SH3PXD2A: variants seen among roughly 807,000 people sequenced by gnomAD.
SH3PXD2A encodes the protein SH3 and PX domains 2A, also known as SH3 and PX domain-containing protein 2A.
A neutral mutation model predicts 115.2 loss-of-function variants in SH3PXD2A; 32 were observed. That is an observed-to-expected ratio of 0.28 (90% confidence interval 0.21 to 0.37). The LOEUF is 0.37. SH3PXD2A is among the 10% of genes least tolerant of loss of function. SH3PXD2A has a pLI of 1.00. For missense variants in SH3PXD2A, 1,328 were observed against 1,498.7 expected (o/e 0.89, Z 1.88); for synonymous variants, 610 against 629.1 (o/e 0.97, Z 0.45).
intron 13 of SH3PXD2A, among the ~76,000 whole-genome samples, chr10:103,607,496 G>T (rs2036338230): frequency 1.3e-5 from 2 of 150,822 alleles, no homozygotes; most frequent in Non-Finnish European, 3.0e-5. Context: ...GAGCCCCTCT[G>T]CCCGGCCAGC....
At chr10:103,836,413 C>A (rs576652002) in intron 1 of SH3PXD2A, among the ~76,000 whole-genome samples, 1 of 151,720 alleles carries the variant, frequency 6.6e-6, no homozygotes, top group South Asian at 2.1e-4. Context: ...ACATTCCACA[C>A]TCAAACCCAC....
At chr10:103,749,566 C>T (rs2038549881) in intron 3 of SH3PXD2A, among the ~76,000 whole-genome samples, 1 of 152,180 alleles carries the variant, frequency 6.6e-6, no homozygotes, top group Middle Eastern at 3.2e-3. Flanking sequence ...ACAACAAGAG[C>T]TGCCATCCAC....
chr10:103,623,826 C>T (rs2036648092), intron 9 of SH3PXD2A, among the ~76,000 whole-genome samples: 1 of 152,180 alleles, frequency 6.6e-6, no homozygotes. Context: ...TGCAAGGCCT[C>T]CTGGTGGGGC....
chr10:103,616,060 T>TGCGTGC (rs2036514267), intron 11 of SH3PXD2A, among the ~76,000 whole-genome samples: 1 of 140,302 alleles, frequency 7.1e-6, no homozygotes, highest in Non-Finnish European at 1.5e-5. Context: ...GCGGGGGGTG[T>TGCGTGC]GGTGCGTGCC....
chr10:103,842,801 C>T (rs2039613589), intron 1 of SH3PXD2A, among the ~76,000 whole-genome samples: 1 of 152,132 alleles, frequency 6.6e-6, no homozygotes, highest in South Asian at 2.1e-4. Context: ...TTTTATCTGC[C>T]CTGCTGTGTT....
chr10:103,630,285 C>T (rs1197006029), intron 8 of SH3PXD2A, among the ~76,000 whole-genome samples: 1 of 152,210 alleles, frequency 6.6e-6, no homozygotes, highest in Non-Finnish European at 1.5e-5. Flanking sequence ...TCAGGAACCC[C>T]AGCAGCCTCT....
chr10:103,715,104 G>C (rs1236127947), intron 5 of SH3PXD2A, among the ~76,000 whole-genome samples: 1 of 152,206 alleles, frequency 6.6e-6, no homozygotes, highest in Non-Finnish European at 1.5e-5. Context: ...GCCTTTTTGG[G>C]GTGGCTGCTC....
intron 5 of SH3PXD2A, 80 bp downstream of exon 5, chr10:103,724,190 C>T (rs1019840395): frequency 1.5e-4 from 96 of 651,030 alleles, no homozygotes; most frequent in Non-Finnish European, 4.4e-5. Context: ...TGTGTTCCCA[C>T]AGCCTCAGCC....
chr10:103,602,340 T>G lies in SH3PXD2A; in HGVS notation c.2878A>C (p.Thr960Pro). Residue 960 changes from threonine (T) to proline (P), a missense_variant, in exon 15 of 15, where the codon ACC becomes CCC. Transcript: ENST00000369774. ...PSKPPGGFGK[T>P]SGTPAVKMRN... ...ATCTTCACCGCTGGAGTGCCTGAGG[T>G]CTTGCCGAAGCCCCCGGGAGGTTTG... 2 of 1,613,546 alleles carry G rather than the reference T, an allele frequency of 1.2e-6. No individual in the cohort carries two copies. Among genetic ancestry groups the G allele is most frequent in the Non-Finnish European group, 1.7e-6 (2 of 1,179,846 alleles).
At chr10:103,639,626 A>G (rs905724095) in intron 8 of SH3PXD2A, among the ~76,000 whole-genome samples, 5 of 87,028 alleles carry the variant, frequency 5.7e-5, no homozygotes, top group Non-Finnish European at 9.9e-5. Flanking sequence ...AAAAAAAAAA[A>G]GAAAAAGAAA....
At position 103,724,347 on chromosome 10, in the gene SH3PXD2A, C is replaced by G. The variant is rs146043036; in HGVS notation, c.321G>C (p.Leu107=). 1 of 1,578,512 alleles carries G rather than the reference C, an allele frequency of 6.3e-7. No homozygotes were observed. Among genetic ancestry groups the G allele is most frequent in the Non-Finnish European group, 8.6e-7 (1 of 1,165,860 alleles). ...IDEYCRALVR[L]PPHISQCDEV... Reference sequence around the variant, plus strand: ...CGTCACACTGTGAGATGTGGGGGGGCAGCCGGACAAGTGCCTGTGGAGAGA... The same window carrying G: ...CGTCACACTGTGAGATGTGGGGGGGGAGCCGGACAAGTGCCTGTGGAGAGA... Residue 107 remains leucine (L), a synonymous_variant, in exon 5 of 15, where the codon CTG becomes CTC. Transcript: ENST00000369774.
intron 3 of SH3PXD2A, among the ~76,000 whole-genome samples, chr10:103,741,280 A>G (rs775778299): frequency 2.6e-5 from 4 of 152,216 alleles, no homozygotes; most frequent in African/African-American, 4.8e-5. Context: ...GCCACAGAAA[A>G]GAGTTTGGTT....
intron 3 of SH3PXD2A, among the ~76,000 whole-genome samples, chr10:103,736,426 C>A (rs2134186701): frequency 6.6e-6 from 1 of 152,398 alleles, no homozygotes; most frequent in East Asian, 1.9e-4. Context: ...CAGGAAATGC[C>A]AGCCCCTCAG....
At chr10:103,833,965 G>C (rs1338850280) in intron 1 of SH3PXD2A, among the ~76,000 whole-genome samples, 2 of 152,106 alleles carry the variant, frequency 1.3e-5, no homozygotes, top group East Asian at 3.8e-4. Flanking sequence ...CCCGGAAAGA[G>C]AGTCCCTGGG....
rs567089928 is a variant in SH3PXD2A, at chr10:103,689,019, A to G, written c.427+4009T>C. ...GTAGCTGGGACTACAGGCCTGCACC[A>G]CTACATCCGGCTAATTTATTATTTT... is the stretch of plus-strand genomic sequence containing the variant. On this transcript the variant is annotated intron_variant, in intron 6 of 14. Transcript: ENST00000369774. Among the ~76,000 whole-genome samples, 246 of 152,198 alleles carry G rather than the reference A, an allele frequency of 1.6e-3. 1 individual carries two copies. Among genetic ancestry groups the G allele is most frequent in the African/African-American group, 5.7e-3 (236 of 41,526 alleles).
chr10:103,737,546 A>G (rs1391132539), intron 3 of SH3PXD2A, among the ~76,000 whole-genome samples: 2 of 152,194 alleles, frequency 1.3e-5, no homozygotes, highest in African/African-American at 4.8e-5. Context: ...AAGTGTTATC[A>G]GGCCAGTTAA....
chr10:103,606,730 C>T (rs1231969656), intron 13 of SH3PXD2A, among the ~76,000 whole-genome samples: 2 of 152,182 alleles, frequency 1.3e-5, no homozygotes, highest in East Asian at 1.9e-4. Flanking sequence ...CTCCTAACCG[C>T]GAGTGATCCG....
intron 1 of SH3PXD2A, among the ~76,000 whole-genome samples, chr10:103,824,186 G>A (rs548224767): frequency 1.3e-5 from 2 of 152,314 alleles, no homozygotes; most frequent in Non-Finnish European, 2.9e-5. Flanking sequence ...GGCCCCAAGG[G>A]GAGGGTGGGC....
At chr10:103,786,279 G>C (rs1198704317) in intron 2 of SH3PXD2A, among the ~76,000 whole-genome samples, 1 of 152,194 alleles carries the variant, frequency 6.6e-6, no homozygotes, top group Non-Finnish European at 1.5e-5. Flanking sequence ...TCCAGCACCA[G>C]ACTGCCCAGT....
Sources: gnomAD v4.1 joint callset for allele counts (sites outside exome capture counted in the v4.1 genomes callset) on GRCh38, gnomAD v4.1.1 for gene constraint, MANE v1.5 for transcripts, NCBI Gene and HGNC (gene_info 2026-07-23, HGNC 2026-07-21) for gene names.